SYCE2: variants seen among roughly 807,000 people sequenced by gnomAD.
SYCE2 encodes the protein central element synaptonemal complex 1.
Under a neutral mutation model 27.9 loss-of-function variants are expected in SYCE2, and 3 were observed. The observed-to-expected ratio is 0.11, with a 90% CI of 0.05 to 0.28. SYCE2 has a LOEUF of 0.28. Ranked by LOEUF, SYCE2 falls within the 10% of genes least tolerant of loss-of-function variation. The pLI is 1.00. For missense variants in SYCE2, 207 were observed against 263.5 expected (o/e 0.79, Z 1.48); for synonymous variants, 85 against 100.7 (o/e 0.84, Z 0.93).
chr19:12,916,745 G>A (rs1297103283), intron 2 of SYCE2, among the ~76,000 whole-genome samples: 3 of 152,046 alleles, frequency 2.0e-5, no homozygotes, highest in East Asian at 1.9e-4. Context: ...ACAGGTGTGT[G>A]CAACCGCACC....
Position 12,899,972 on chromosome 19 carries a change from C to T in SYCE2, c.612+32G>A, listed in dbSNP as rs1240903170. On this transcript the variant is annotated intron_variant, in intron 5 of 5. Transcript: ENST00000293695. ...AAAATAAAGACCTGCACATCTGACCCCAAGGTGTCAGGCCGGTTTACTGGT... is the reference window on the plus strand; with the variant it reads ...AAAATAAAGACCTGCACATCTGACCTCAAGGTGTCAGGCCGGTTTACTGGT... The T allele has an allele frequency of 2.5e-6, 4 of 1,612,726 alleles. No individual in the cohort carries two copies. In the Admixed American group the frequency reaches 6.7e-5, roughly 27 times the overall value.
chr19:12,919,057 C>T (rs916788290), intron 1 of SYCE2, among the ~76,000 whole-genome samples, 186 bp downstream of exon 1: 1 of 152,052 alleles, frequency 6.6e-6, no homozygotes, highest in Non-Finnish European at 1.5e-5. Context: ...TCAGACCCGT[C>T]AGTGCGTCAG....
Position 12,904,695 on chromosome 19 carries a change from CCT to C in SYCE2, c.132-31_132-30del, listed in dbSNP as rs912275084. ...GAGGTGGCGACACAAGGGCAAGAAA[CCT>C]GACTTCTCAGAGTACAGGAAGCGGC... On this transcript the variant is annotated intron_variant, in intron 2 of 5. Coordinates refer to ENST00000293695, the MANE Select transcript of SYCE2 (RefSeq NM_001105578.2). 10 of 1,611,460 alleles carry C rather than the reference CCT, an allele frequency of 6.2e-6. No individual in the cohort carries two copies. The African/African-American group carries it at 1.3e-4, about 22-fold the overall frequency.
At chr19:12,906,134 G>A (rs1230643725) in intron 2 of SYCE2, 1 of 152,224 alleles carries the variant, frequency 6.6e-6, no homozygotes. Context: ...GGGATTACAG[G>A]CGTGAGCCAC....
intron 2 of SYCE2, among the ~76,000 whole-genome samples, chr19:12,904,953 G>A (rs753630221): frequency 3.9e-4 from 59 of 151,528 alleles, no homozygotes; most frequent in Non-Finnish European, 7.4e-4. Flanking sequence ...GCAGTGAGCC[G>A]AGATCACGCC....
intron 2 of SYCE2, among the ~76,000 whole-genome samples, chr19:12,917,461 C>A (rs1000956527): frequency 3.3e-5 from 5 of 152,064 alleles, no homozygotes; most frequent in African/African-American, 1.2e-4. Flanking sequence ...CTCTGGGGTT[C>A]AAGCGATTCT....
Position 12,899,255 on chromosome 19 carries a change from A to G in SYCE2, c.*86T>C. 1.6e-6 allele frequency: 2 copies of G among 1,271,116 alleles called. No homozygotes were observed. Among genetic ancestry groups the G allele is most frequent in the South Asian group, 2.4e-5 (2 of 83,218 alleles). The allele number at this position is 1,271,116 out of a possible 1,614,324, so 78.7% of individuals were successfully genotyped here. On this transcript the variant is annotated 3_prime_UTR_variant, in exon 6 of 6. Coordinates refer to ENST00000293695, the MANE Select transcript of SYCE2 (RefSeq NM_001105578.2). ...GCCAAGATGCATTATAGAACCATGA[A>G]AAACAATTTCTCAGTGTGGCCCAAA...
rs776552117 is a variant in SYCE2, at chr19:12,919,237, G to A, written c.15+6C>T. 16 of 1,611,132 alleles carry A rather than the reference G, an allele frequency of 9.9e-6. No homozygotes were observed. Among genetic ancestry groups the A allele is most frequent in the Middle Eastern group, 3.3e-4 (2 of 6,084 alleles). ...CACGCGCGAGAAGGAAACAAGCGCC[G>A]CGTACTCCCTGTCGCTCCATTCCGT... On this transcript the variant is annotated splice_donor_region_variant and intron_variant, in intron 1 of 5. Transcript: ENST00000293695.
At chr19:12,900,319 G>T in intron 4 of SYCE2, 141 bp downstream of exon 4, 1 of 1,092,192 alleles carries the variant, frequency 9.2e-7, no homozygotes. Flanking sequence ...AAACAAGATG[G>T]TGAGTGCACC....
chr19:12,915,618 A>G (rs954578176), intron 2 of SYCE2, among the ~76,000 whole-genome samples: 2 of 151,586 alleles, frequency 1.3e-5, no homozygotes, highest in Non-Finnish European at 2.9e-5. Context: ...AAAAAAAAAA[A>G]AGGTGAACCG....
In SYCE2 at chr19:12,899,106, T is replaced by TG. The variant is rs1170355801; in HGVS notation, c.*234dup. On this transcript the variant is annotated 3_prime_UTR_variant, in exon 6 of 6. Transcript: ENST00000293695. ...TGAAAATCAAACATTTAATAAACTG[T>TG]GGGGCTGGGGGTGGGGAGAACTTGC... is the stretch of plus-strand genomic sequence containing the variant. 3.6e-6 allele frequency: 2 copies of TG among 552,394 alleles called. No individual in the cohort carries two copies. The highest frequency in any genetic ancestry group is 6.3e-6 in the Non-Finnish European group (2 of 315,442). 34.2% of individuals were successfully genotyped at this position (552,394 alleles called of 1,614,324 possible).
At position 12,915,601 on chromosome 19, in the gene SYCE2, C is replaced by CAA. The variant is rs71168634; in HGVS notation, c.131+2619_131+2620dup. On this transcript the variant is annotated intron_variant, in intron 2 of 5. Coordinates refer to ENST00000293695, the MANE Select transcript of SYCE2 (RefSeq NM_001105578.2). ...TGGGCAACAGAGCGAGACTCCATCT[C>CAA]AAAAAAAAAAAAAAAAAAGGTGAAC... Among the ~76,000 whole-genome samples the CAA allele has an allele frequency of 1.4e-3, 111 of 81,182 alleles. 4 individuals carry two copies. The highest frequency in any genetic ancestry group is 2.3e-3 in the Admixed American group (18 of 7,854). The allele number at this position is 81,182 out of a possible 152,430, so 53.3% of individuals were successfully genotyped here.
chr19:12,906,644 C>T (rs1018501945), intron 2 of SYCE2, among the ~76,000 whole-genome samples: 1 of 152,098 alleles, frequency 6.6e-6, no homozygotes, highest in Non-Finnish European at 1.5e-5. Flanking sequence ...CGCGGTGGCT[C>T]AAGCCTGTAA....
intron 3 of SYCE2, among the ~76,000 whole-genome samples, chr19:12,903,178 G>A (rs868500681): frequency 1.2e-4 from 18 of 149,204 alleles, no homozygotes; most frequent in Middle Eastern, 7.0e-3. Context: ...TGCAAGCTCC[G>A]CCTCCCGGGT....
intron 2 of SYCE2, among the ~76,000 whole-genome samples, chr19:12,912,221 C>T (rs911053556): frequency 3.3e-5 from 5 of 151,840 alleles, no homozygotes; most frequent in Non-Finnish European, 7.3e-5. Flanking sequence ...CAGGCGTGAG[C>T]CACCAAGCCC....
intron 2 of SYCE2, among the ~76,000 whole-genome samples, chr19:12,915,764 G>A (rs1295605412): frequency 1.3e-5 from 2 of 151,808 alleles, no homozygotes; most frequent in Non-Finnish European, 2.9e-5. Context: ...CCACTCGCTC[G>A]CCTAGCCACA....
chr19:12,900,445 T>C lies in SYCE2; in HGVS notation c.495+15A>G. The C allele has an allele frequency of 2.5e-6, 4 of 1,608,116 alleles. No individual in the cohort carries two copies. Among genetic ancestry groups the C allele is most frequent in the Non-Finnish European group, 3.4e-6 (4 of 1,176,134 alleles). Reference sequence around the variant, plus strand: ...TCTTCCTCAGGCAGCGCCCCCCCTGTGAGTTTACTCATACCTCAGGCTGGA... The same window carrying C: ...TCTTCCTCAGGCAGCGCCCCCCCTGCGAGTTTACTCATACCTCAGGCTGGA... On this transcript the variant is annotated intron_variant, in intron 4 of 5. Transcript: ENST00000293695.
At chr19:12,903,798 A>G (rs1232085441) in intron 3 of SYCE2, among the ~76,000 whole-genome samples, 2 of 151,756 alleles carry the variant, frequency 1.3e-5, no homozygotes, top group African/African-American at 2.4e-5. Context: ...TGGTTTCACC[A>G]TGTTGGCCAG....
chr19:12,909,108 C>A (rs1272944266), intron 2 of SYCE2, among the ~76,000 whole-genome samples: 1 of 152,332 alleles, frequency 6.6e-6, no homozygotes, highest in Non-Finnish European at 1.5e-5. Flanking sequence ...ACTGTTTACA[C>A]CTTGGCCTCC....
Sources: gnomAD v4.1 joint callset for allele counts (sites outside exome capture counted in the v4.1 genomes callset) on GRCh38, gnomAD v4.1.1 for gene constraint, MANE v1.5 for transcripts, NCBI Gene and HGNC (gene_info 2026-07-23, HGNC 2026-07-21) for gene names.